The following ZNF234 variants were observed in gnomAD, a reference collection of about 807,000 sequenced individuals.
ZNF234 encodes C2-H2 type zinc finger protein.
In ZNF234, 4 loss-of-function variants were observed where a neutral mutation model predicts 10.3. That is an observed-to-expected ratio of 0.39 (90% CI 0.19 to 0.89). ZNF234 has a LOEUF of 0.89. Ranked by LOEUF, ZNF234 falls within the 40% of genes least tolerant of loss-of-function variation. The pLI is 0.38. For synonymous variants in ZNF234, 258 were observed against 280.1 expected (o/e 0.92, Z 0.79); for missense variants, 711 against 836.1 (o/e 0.85, Z 1.85).
chr19:44,146,278 A>G (rs1968588227), intron 3 of ZNF234, among the ~76,000 whole-genome samples: 1 of 152,154 alleles, frequency 6.6e-6, no homozygotes, highest in Non-Finnish European at 1.5e-5. Flanking sequence ...GGTTATATAA[A>G]GTCTTTAAAT....
In ZNF234 at chr19:44,156,634, T is replaced by C. The variant is rs758175930; in HGVS notation, c.618T>C (p.Cys206=). The change falls in exon 6 of 6, where the codon TGT becomes TGC. Residue 206 remains cysteine (C), a synonymous_variant. Transcript: ENST00000426739. ...ACATGGGAGAGAAATGCTATAAGTG[T>C]GACGTGTGTGGTAAGGAATTTAGTC... ...RVHMGEKCYK[C]DVCGKEFSQS... The C allele has an allele frequency of 1.1e-5, 17 of 1,614,066 alleles. No homozygotes were observed. The highest frequency in any genetic ancestry group is 1.7e-6 in the Non-Finnish European group (2 of 1,180,036).
intron 5 of ZNF234, among the ~76,000 whole-genome samples, chr19:44,153,123 A>G (rs1968784460): frequency 7.0e-6 from 1 of 142,858 alleles, no homozygotes; most frequent in African/African-American, 2.6e-5. Flanking sequence ...AAAAAACTAC[A>G]ATTTTTAAGG....
At position 44,157,057 on chromosome 19, in the gene ZNF234, A is replaced by G. The variant is rs890791850; in HGVS notation, c.1041A>G (p.Glu347=). Residue 347 remains glutamate, a synonymous_variant, in exon 6 of 6, where the codon GAA becomes GAG. Transcript: ENST00000426739. Reference sequence around the variant, plus strand: ...CAGGAGAGAAACCTTACAAGTGTGAAGAATGTGGTAAGTGCTTTATTCAGC... The same window carrying G: ...CAGGAGAGAAACCTTACAAGTGTGAGGAATGTGGTAAGTGCTTTATTCAGC... ...VHTGEKPYKC[E]ECGKCFIQPS... 5.6e-6 allele frequency: 9 copies of G among 1,614,010 alleles called. No homozygotes were observed. In the African/African-American group the frequency reaches 1.1e-4, roughly 19 times the overall value.
In ZNF234 at chr19:44,157,253, A is replaced by T. The variant is rs769908534; in HGVS notation, c.1237A>T (p.Ile413Phe). Residue 413 changes from isoleucine (I) to phenylalanine (F), a missense_variant, in exon 6 of 6, where the codon ATT becomes TTT. By Grantham distance (21) the Ile-to-Phe change is conservative. Transcript: ENST00000426739. ...NECGKSFRMK[I>F]HYQVHLVVHT... ...GTGTGGGAAGAGCTTCAGAATGAAA[A>T]TTCATTATCAAGTGCATCTGGTAGT... 2 of 1,613,566 alleles carry T rather than the reference A, an allele frequency of 1.2e-6. No individual in the cohort carries two copies. Among genetic ancestry groups the T allele is most frequent in the Admixed American group, 3.3e-5 (2 of 59,988 alleles).
In ZNF234 at chr19:44,146,778, G is replaced by A. The variant is rs1243966409; in HGVS notation, c.16-1993G>A. Reference sequence around the variant, plus strand: ...CTGCTTTTGGTCATCATATAGAGAAGCAAGGTGCTTGCATTCTCTCTCTCT... The same window carrying A: ...CTGCTTTTGGTCATCATATAGAGAAACAAGGTGCTTGCATTCTCTCTCTCT... On this transcript the variant is annotated intron_variant, in intron 3 of 5. Coordinates refer to ENST00000426739, the MANE Select transcript of ZNF234 (RefSeq NM_006630.3). Among the ~76,000 whole-genome samples, 2 of 146,106 alleles carry A rather than the reference G, an allele frequency of 1.4e-5. 1 individual carries two copies. Among genetic ancestry groups the A allele is most frequent in the Middle Eastern group, 7.3e-3 (2 of 274 alleles).
In ZNF234 at chr19:44,156,600, A is replaced by G. The variant is rs1275404779; in HGVS notation, c.584A>G (p.Gln195Arg). Residue 195 changes from glutamine to arginine, a missense_variant, in exon 6 of 6, where the codon CAA becomes CGA. Gln to Arg is a conservative substitution (Grantham distance 43, BLOSUM62 1). Coordinates refer to ENST00000426739, the MANE Select transcript of ZNF234 (RefSeq NM_006630.3). ...FCYISALHIH[Q>R]RVHMGEKCYK... ...TACATCTCAGCCCTTCATATTCATC[A>G]AAGAGTCCACATGGGAGAGAAATGC... 1 of 1,614,104 alleles carries G rather than the reference A, an allele frequency of 6.2e-7. No homozygotes were observed. The highest frequency in any genetic ancestry group is 1.3e-5 in the African/African-American group (1 of 74,936).
chr19:44,154,912 C>T (rs1226533136), intron 5 of ZNF234, among the ~76,000 whole-genome samples: 2 of 152,118 alleles, frequency 1.3e-5, no homozygotes, highest in African/African-American at 4.8e-5. Context: ...GCTTGGATTA[C>T]AGATGTGAGC....
At chr19:44,144,418 G>T (rs1199729939) in intron 2 of ZNF234, 139 bp from the exon 3 acceptor site, 3 of 399,942 alleles carry the variant, frequency 7.5e-6, no homozygotes, top group Non-Finnish European at 1.3e-5. Flanking sequence ...TCCATAGGAG[G>T]GCATTTTGGT....
rs113751938 is a variant in ZNF234, at chr19:44,146,878, C to T, written c.16-1893C>T. Among the ~76,000 whole-genome samples the T allele has an allele frequency of 7.9e-3, 1,080 of 136,956 alleles. 13 individuals carry two copies. Among genetic ancestry groups the T allele is most frequent in the Non-Finnish European group, 7.8e-3 (515 of 65,700 alleles). The allele number at this position is 136,956 out of a possible 152,430, so 89.8% of individuals were successfully genotyped here. A position where few individuals can be genotyped will look rare whatever the true frequency, so the allele number is the denominator to read the frequency against. On this transcript the variant is annotated intron_variant, in intron 3 of 5. Coordinates refer to ENST00000426739, the MANE Select transcript of ZNF234 (RefSeq NM_006630.3). ...TTGCCCAGGCTGGAGTGCAGTGGTA[C>T]GATCACGGCTCACTGCAACCTATGC...
chr19:44,151,506 C>A (rs28462219), intron 5 of ZNF234, among the ~76,000 whole-genome samples: 1,779 of 152,280 alleles, frequency 0.012, 39 homozygotes, highest in African/African-American at 0.041. Flanking sequence ...CTGGACACTG[C>A]ATTTCTTACT....
Position 44,156,560 on chromosome 19 carries a change from G to A in ZNF234, c.544G>A (p.Gly182Arg). Residue 182 changes from glycine (G) to arginine (R), a missense_variant, in exon 6 of 6, where the codon GGA becomes AGA. Physicochemically the swap from Gly to Arg is moderately radical, Grantham distance 125 (BLOSUM62 -2). Coordinates refer to ENST00000426739, the MANE Select transcript of ZNF234 (RefSeq NM_006630.3). ...GEKSHTCDEC[G>R]KSFCYISALH... Reference sequence around the variant, plus strand: ...GAAGTCTCATACATGTGATGAGTGTGGAAAAAGCTTCTGTTACATCTCAGC... The same window carrying A: ...GAAGTCTCATACATGTGATGAGTGTAGAAAAAGCTTCTGTTACATCTCAGC... 1 of 1,614,174 alleles carries A rather than the reference G, an allele frequency of 6.2e-7. No individual in the cohort carries two copies. The highest frequency in any genetic ancestry group is 8.5e-7 in the Non-Finnish European group (1 of 1,180,022).
chr19:44,144,179 C>A (rs1397026116), intron 2 of ZNF234, among the ~76,000 whole-genome samples: 1 of 152,144 alleles, frequency 6.6e-6, no homozygotes, highest in African/African-American at 2.4e-5. Context: ...CATTCTTATC[C>A]TAAATCCCCA....
intron 5 of ZNF234, among the ~76,000 whole-genome samples, chr19:44,154,090 A>T (rs1345851591): frequency 6.6e-6 from 1 of 152,170 alleles, no homozygotes; most frequent in Non-Finnish European, 1.5e-5. Flanking sequence ...GACAGGATTC[A>T]TTATTTTTCA....
At chr19:44,143,623 A>AG (rs1807501201) in intron 2 of ZNF234, among the ~76,000 whole-genome samples, 1 of 150,248 alleles carries the variant, frequency 6.7e-6, no homozygotes, top group Non-Finnish European at 1.5e-5. Context: ...AAAGAAAAAA[A>AG]AAAAAAAAAG....
rs372650082 is a variant in ZNF234 at position 44,156,656 on chromosome 19, A to G, written c.640A>G (p.Ser214Gly). The G allele has an allele frequency of 1.7e-5, 28 of 1,614,100 alleles. No homozygotes were observed. Among genetic ancestry groups the G allele is most frequent in the Non-Finnish European group, 2.3e-5 (27 of 1,180,036 alleles). ...YKCDVCGKEFSQSSHLQTHQR... is the reference protein window; with the variant it reads ...YKCDVCGKEFGQSSHLQTHQR... ...GTGTGACGTGTGTGGTAAGGAATTT[A>G]GTCAGAGCTCACATCTTCAAACTCA... The change falls in exon 6 of 6, where the codon AGT becomes GGT. Residue 214 changes from serine (S) to glycine (G), a missense_variant. Coordinates refer to ENST00000426739, the MANE Select transcript of ZNF234 (RefSeq NM_006630.3).
chr19:44,159,083 T>C lies in ZNF234; in HGVS notation c.*964T>C, dbSNP rs1212412021. ...ATATTACTCTTTTACAGTTGACACC[T>C]GTCCTCTCTGTAGTCTCTTCTCTCA... On this transcript the variant is annotated 3_prime_UTR_variant, in exon 6 of 6. Coordinates refer to ENST00000426739, the MANE Select transcript of ZNF234 (RefSeq NM_006630.3). 2 of 152,262 alleles carry C rather than the reference T, an allele frequency of 1.3e-5. No homozygotes were observed. The highest frequency in any genetic ancestry group is 2.9e-5 in the Non-Finnish European group (2 of 68,056). 9.4% of individuals were successfully genotyped at this position (152,262 alleles called of 1,614,324 possible).
chr19:44,143,963 G>C (rs994127934), intron 2 of ZNF234, among the ~76,000 whole-genome samples: 1 of 152,190 alleles, frequency 6.6e-6, no homozygotes, highest in African/African-American at 2.4e-5. Context: ...TCAGAACGCA[G>C]TCTTGTTAAA....
rs757293878 is a variant in ZNF234 at position 44,157,229 on chromosome 19, T to G, written c.1213T>G (p.Cys405Gly). Reference sequence around the variant, plus strand: ...AGAGAAGCCATACAAATGCAATGAGTGTGGGAAGAGCTTCAGAATGAAAAT... The same window carrying G: ...AGAGAAGCCATACAAATGCAATGAGGGTGGGAAGAGCTTCAGAATGAAAAT... ...TGEKPYKCNE[C>G]GKSFRMKIHY... Residue 405 changes from cysteine (C) to glycine (G), a missense_variant, in exon 6 of 6, where the codon TGT becomes GGT. By Grantham distance (159) the Cys-to-Gly change is radical. Coordinates refer to ENST00000426739, the MANE Select transcript of ZNF234 (RefSeq NM_006630.3). 5 of 1,614,104 alleles carry G rather than the reference T, an allele frequency of 3.1e-6. 1 individual carries two copies. The South Asian group carries it at 5.5e-5, about 18-fold the overall frequency.
At chr19:44,144,828 A>G (rs1278237024) in intron 3 of ZNF234, among the ~76,000 whole-genome samples, 181 bp downstream of exon 3, 1 of 152,200 alleles carries the variant, frequency 6.6e-6, no homozygotes, top group African/African-American at 2.4e-5. Flanking sequence ...GACCTTCTGT[A>G]TCTGTGGGTT....
Sources: allele counts gnomAD v4.1 joint callset (sites outside exome capture counted in the v4.1 genomes callset), GRCh38; gene constraint gnomAD v4.1.1; transcripts MANE v1.5; gene names NCBI Gene and HGNC (gene_info 2026-07-23, HGNC 2026-07-21).